Variants in TNS3 observed in about 807,000 individuals in gnomAD.
TNS3 encodes tensin 3, also known as tensin-3.
A neutral mutation model predicts 140.9 loss-of-function variants in TNS3; 45 were observed. The ratio of observed to expected loss-of-function variants is 0.32; its 90% confidence interval spans 0.25 to 0.41. TNS3 has a LOEUF of 0.41. Among genes scored for constraint, TNS3 ranks in the 10% least tolerant of loss-of-function variants. The pLI is 1.00. For missense variants in TNS3, 1,716 were observed against 1,906.7 expected (o/e 0.90, Z 1.86); for synonymous variants, 815 against 788.4 (o/e 1.03, Z -0.56).
intron 24 of TNS3, among the ~76,000 whole-genome samples, chr7:47,294,526 A>C (rs1259214911): frequency 6.6e-6 from 1 of 152,168 alleles, no homozygotes; most frequent in African/African-American, 2.4e-5. Context: ...AGTCCAACAG[A>C]CCTTCACAGT....
At chr7:47,352,610 G>C (rs2151036959) in intron 17 of TNS3, among the ~76,000 whole-genome samples, 1 of 152,334 alleles carries the variant, frequency 6.6e-6, no homozygotes, top group Non-Finnish European at 1.5e-5. Flanking sequence ...TGTTCCTGGA[G>C]GTCCGTCCTT....
At chr7:47,490,000 C>T (rs1028226886) in intron 3 of TNS3, among the ~76,000 whole-genome samples, 4 of 152,162 alleles carry the variant, frequency 2.6e-5, no homozygotes, top group African/African-American at 9.7e-5. Flanking sequence ...AGAAAGAGGA[C>T]ATCTGGTGAT....
chr7:47,353,438 T>G (rs937644196), intron 17 of TNS3, among the ~76,000 whole-genome samples: 2 of 152,184 alleles, frequency 1.3e-5, no homozygotes, highest in African/African-American at 4.8e-5. Context: ...TCTTCCAAAG[T>G]GACTGATTTA....
intron 4 of TNS3, among the ~76,000 whole-genome samples, chr7:47,450,679 T>C (rs180938291): frequency 7.9e-5 from 12 of 152,306 alleles, no homozygotes; most frequent in African/African-American, 2.9e-4. Flanking sequence ...GCCAGGCCTC[T>C]AGCTACAGCC....
At chr7:47,287,894 T>C (rs1297433331) in intron 27 of TNS3, among the ~76,000 whole-genome samples, 1 of 152,170 alleles carries the variant, frequency 6.6e-6, no homozygotes, top group African/African-American at 2.4e-5. Context: ...GACCCACCCT[T>C]AAAAAACATT....
Position 47,518,299 on chromosome 7 carries a change from G to A in TNS3, c.-153+10737C>T, listed in dbSNP as rs145924124. Reference sequence around the variant, plus strand: ...GCGCCCGTGTGGCACAGGTAGGATTGGATGTCGCCGCAAGGTCCCTCCGCC... The same window carrying A: ...GCGCCCGTGTGGCACAGGTAGGATTAGATGTCGCCGCAAGGTCCCTCCGCC... On this transcript the variant is annotated intron_variant, in intron 2 of 30. Transcript: ENST00000311160. Among the ~76,000 whole-genome samples the A allele has an allele frequency of 9.7e-3, 1,470 of 152,196 alleles. 22 individuals carry two copies. The highest frequency in any genetic ancestry group is 0.033 in the African/African-American group (1,388 of 41,514).
At chr7:47,461,337 A>G (rs902146435) in intron 4 of TNS3, among the ~76,000 whole-genome samples, 6 of 152,196 alleles carry the variant, frequency 3.9e-5, no homozygotes, top group African/African-American at 1.4e-4. Context: ...CTTCCCACCA[A>G]CCATGGATCT....
chr7:47,475,790 G>A (rs1434652552), intron 4 of TNS3, among the ~76,000 whole-genome samples: 1 of 152,222 alleles, frequency 6.6e-6, no homozygotes. Context: ...ACCACTGTTA[G>A]GCCGCAGCAT....
chr7:47,424,183 C>T lies in TNS3; in HGVS notation c.391G>A (p.Ala131Thr), dbSNP rs1164356948. 2.5e-6 allele frequency: 4 copies of T among 1,613,968 alleles called. No homozygotes were observed. Among genetic ancestry groups the T allele is most frequent in the African/African-American group, 2.7e-5 (2 of 75,010 alleles). The stretch of plus-strand genomic sequence containing the variant: ...GCAAACCTGTCAAGGGCCTGGTCGG[C>T]GCTGAAGGGGAGAGAGAGAGAAAGA... The part of the protein sequence containing the change: ...YMHFTNVSAS[A>T]DQALDRFAMK... Residue 131 changes from alanine to threonine, a missense_variant and splice_region_variant, in exon 10 of 31, where the codon GCC becomes ACC. Transcript: ENST00000311160.
At position 47,368,804 on chromosome 7, in the gene TNS3, G is replaced by A; in HGVS notation, c.1842C>T (p.Arg614=). Residue 614 remains arginine, a synonymous_variant, in exon 17 of 31, where the codon CGC becomes CGT. Transcript: ENST00000311160. The stretch of plus-strand genomic sequence containing the variant: ...CGAGGCCAGGATTGTCTGCAGGGCA[G>A]CGGCTCACCAGCCGGGCCTCCCCAT... ...APDGEARLVS[R]CPADNPGLVQ... 6.2e-7 allele frequency: 1 copy of A among 1,609,272 alleles called. No individual in the cohort carries two copies. The highest frequency in any genetic ancestry group is 1.7e-4 in the Middle Eastern group (1 of 6,046).
At position 47,371,694 on chromosome 7, in the gene TNS3, C is replaced by G. The variant is rs528314981; in HGVS notation, c.1025-2073G>C. 1.2e-3 allele frequency among the ~76,000 whole-genome samples: 173 copies of G among 150,418 alleles called. 2 individuals carry two copies. The highest frequency in any genetic ancestry group is 1.7e-3 in the Non-Finnish European group (113 of 68,024). On this transcript the variant is annotated intron_variant, in intron 16 of 30. Coordinates refer to ENST00000311160, the MANE Select transcript of TNS3 (RefSeq NM_022748.12). ...GAAAGACTGGAAAGACTGGACTAAACTATAAGGCATGTGCAAATATCACCT... is the reference window on the plus strand; with the variant it reads ...GAAAGACTGGAAAGACTGGACTAAAGTATAAGGCATGTGCAAATATCACCT...
chr7:47,530,838 A>AAAAAAAAAATATATATATATATATATAT, intron 1 of TNS3, among the ~76,000 whole-genome samples: 1 of 54,566 alleles, frequency 1.8e-5, no homozygotes, highest in African/African-American at 7.9e-5. Flanking sequence ...AAAAAAAAAA[A>AAAAAAAAAATATATATATATATATATAT]ATATATATAT....
chr7:47,456,713 G>T (rs1796261362), intron 4 of TNS3, among the ~76,000 whole-genome samples: 1 of 152,042 alleles, frequency 6.6e-6, no homozygotes, highest in Admixed American at 6.6e-5. Context: ...GCACGTATAG[G>T]TGCAGGCCCG....
intron 3 of TNS3, among the ~76,000 whole-genome samples, chr7:47,493,370 G>A (rs1797883991): frequency 6.6e-6 from 1 of 152,046 alleles, no homozygotes; most frequent in African/African-American, 2.4e-5. Context: ...TGGAAGAAAA[G>A]GTATAAACAT....
intron 17 of TNS3, among the ~76,000 whole-genome samples, chr7:47,363,033 C>A (rs796737735): frequency 6.7e-6 from 1 of 149,482 alleles, no homozygotes; most frequent in Non-Finnish European, 1.5e-5. Flanking sequence ...ATCACCATCA[C>A]CATCAACATC....
intron 4 of TNS3, among the ~76,000 whole-genome samples, chr7:47,469,088 C>T (rs571228332): frequency 7.9e-5 from 12 of 152,158 alleles, no homozygotes; most frequent in African/African-American, 2.9e-4. Flanking sequence ...AAAAACTAAC[C>T]CAAGGTAGAT....
At chr7:47,542,026 G>A (rs142067008) in intron 1 of TNS3, among the ~76,000 whole-genome samples, 5 of 152,074 alleles carry the variant, frequency 3.3e-5, no homozygotes, top group Admixed American at 2.6e-4. Context: ...ATTAGGAAGC[G>A]TAAAGGTCTC....
chr7:47,386,403 G>A (rs561142078), intron 16 of TNS3, among the ~76,000 whole-genome samples: 18 of 152,284 alleles, frequency 1.2e-4, no homozygotes, highest in Middle Eastern at 3.4e-3. Flanking sequence ...TCAGTCTCTC[G>A]GGCCCTAGGG....
chr7:47,322,803 T>C (rs1787822594), intron 20 of TNS3, among the ~76,000 whole-genome samples: 1 of 152,118 alleles, frequency 6.6e-6, no homozygotes, highest in Non-Finnish European at 1.5e-5. Flanking sequence ...TGAAGCCCTC[T>C]AAAGCCCTCA....
Sources: gnomAD v4.1 joint callset for allele counts (sites outside exome capture counted in the v4.1 genomes callset) on GRCh38, gnomAD v4.1.1 for gene constraint, MANE v1.5 for transcripts, NCBI Gene and HGNC (gene_info 2026-07-23, HGNC 2026-07-21) for gene names.